SPIN1: variants seen among roughly 807,000 people sequenced by gnomAD.
The protein encoded by SPIN1 is spindlin 1, also known as spindlin-1.
In SPIN1, 3 loss-of-function variants were observed where a neutral mutation model predicts 26.0. The ratio of observed to expected loss-of-function variants is 0.12; its 90% CI spans 0.05 to 0.30. SPIN1 has a LOEUF of 0.30. SPIN1 is among the 10% of genes least tolerant of loss of function. The pLI, the probability that SPIN1 is intolerant of heterozygous loss-of-function variation, is 1.00. For synonymous variants in SPIN1, 101 were observed against 116.5 expected, an observed-to-expected ratio of 0.87 and a Z score of 0.86; for missense variants, 126 against 333.4, an observed-to-expected ratio of 0.38 and a Z score of 4.84.
At chr9:88,474,973 T>C (rs1828860797) in intron 5 of SPIN1, 105 bp from the exon 6 acceptor site, 1 of 1,169,024 alleles carries the variant, frequency 8.6e-7, no homozygotes, top group Non-Finnish European at 1.2e-6. Context: ...TATTAAAATT[T>C]TTTTTAAGTT....
chr9:88,429,954 A>G (rs922852581), intron 2 of SPIN1, among the ~76,000 whole-genome samples: 2 of 152,132 alleles, frequency 1.3e-5, no homozygotes, highest in African/African-American at 4.8e-5. Context: ...AAATATATAT[A>G]TTTCACAGTA....
chr9:88,421,165 A>G (rs1218666262), intron 1 of SPIN1, among the ~76,000 whole-genome samples: 1 of 152,234 alleles, frequency 6.6e-6, no homozygotes, highest in African/African-American at 2.4e-5. Context: ...AAGCATTTCA[A>G]CATGTTTCCA....
intron 2 of SPIN1, among the ~76,000 whole-genome samples, chr9:88,428,571 T>C (rs1220039232): frequency 6.6e-6 from 1 of 152,210 alleles, no homozygotes; most frequent in Admixed American, 6.5e-5. Flanking sequence ...AATCATCTTG[T>C]GAGGAACCTA....
chr9:88,409,792 C>G (rs973787502), intron 1 of SPIN1, among the ~76,000 whole-genome samples: 12 of 151,226 alleles, frequency 7.9e-5, no homozygotes, highest in Middle Eastern at 3.4e-3. Context: ...GAGCTGAGAT[C>G]GCGCCACTGC....
At chr9:88,475,047 CTTTTTTTTTT>C (rs11320023) in intron 5 of SPIN1, 21 bp from the exon 6 acceptor site, 23 of 841,786 alleles carry the variant, frequency 2.7e-5, no homozygotes, top group East Asian at 3.8e-5. Context: ...CTCTCTCTCT[CTTTTTTTTTT>C]TTTTTTTTTT....
intron 3 of SPIN1, among the ~76,000 whole-genome samples, chr9:88,456,922 A>C (rs1329451161): frequency 6.6e-6 from 1 of 152,200 alleles, no homozygotes; most frequent in Non-Finnish European, 1.5e-5. Context: ...ATTAAAAAGA[A>C]AAACCATTCG....
At chr9:88,457,148 G>A (rs758366580) in intron 3 of SPIN1, among the ~76,000 whole-genome samples, 1 of 151,908 alleles carries the variant, frequency 6.6e-6, no homozygotes, top group African/African-American at 2.4e-5. Flanking sequence ...CTACAAATGG[G>A]TGATAATTTT....
At position 88,475,179 on chromosome 9, in the gene SPIN1, A is replaced by G. The variant is rs1385043784; in HGVS notation, c.691A>G (p.Met231Val). 6.2e-7 allele frequency: 1 copy of G among 1,613,610 alleles called. No individual in the cohort carries two copies. Among genetic ancestry groups the G allele is most frequent in the Non-Finnish European group, 8.5e-7 (1 of 1,179,944 alleles). The change falls in exon 6 of 6, where the codon ATG becomes GTG. Residue 231 changes from methionine (M) to valine (V), a missense_variant. This residue lies in a region of SPIN1 where 29 missense variants were observed against 72.0 expected (regional missense o/e 0.40). Coordinates refer to ENST00000375859, the MANE Select transcript of SPIN1 (RefSeq NM_006717.3). ...AKEDGSKRTGMVIHQVEAKPS... is the reference protein window; with the variant it reads ...AKEDGSKRTGVVIHQVEAKPS... ...AGAAGATGGCTCGAAAAGGACTGGC[A>G]TGGTCATTCATCAAGTAGAAGCCAA...
intron 2 of SPIN1, among the ~76,000 whole-genome samples, chr9:88,429,025 C>T (rs1827813779): frequency 6.6e-6 from 1 of 152,110 alleles, no homozygotes. Flanking sequence ...AGGTGTGTGC[C>T]ATCAAGCCTG....
At chr9:88,439,699 C>T (rs573895298) in intron 2 of SPIN1, among the ~76,000 whole-genome samples, 1 of 152,198 alleles carries the variant, frequency 6.6e-6, no homozygotes, top group Non-Finnish European at 1.5e-5. Flanking sequence ...GTTTTGTTTT[C>T]TTGGAGAGTT....
intron 2 of SPIN1, among the ~76,000 whole-genome samples, chr9:88,433,256 A>AT (rs1416641704): frequency 2.7e-5 from 4 of 150,798 alleles, no homozygotes; most frequent in South Asian, 2.1e-4. Context: ...TAATTTTTGT[A>AT]TTTTTTTGTA....
chr9:88,406,917 A>C (rs1380970162), intron 1 of SPIN1, among the ~76,000 whole-genome samples: 2 of 151,980 alleles, frequency 1.3e-5, no homozygotes, highest in Non-Finnish European at 2.9e-5. Context: ...CATTGTTTTA[A>C]TTCTGTCTGT....
intron 1 of SPIN1, among the ~76,000 whole-genome samples, chr9:88,419,261 T>A (rs1827628848): frequency 1.3e-5 from 2 of 152,188 alleles, no homozygotes; most frequent in South Asian, 4.1e-4. Flanking sequence ...TGACTCATTC[T>A]GATTTCCTGT....
chr9:88,444,607 A>G (rs1376469765), intron 2 of SPIN1, among the ~76,000 whole-genome samples: 1 of 150,874 alleles, frequency 6.6e-6, no homozygotes, highest in Non-Finnish European at 1.5e-5. Flanking sequence ...ATCATTTTAG[A>G]TCTCAGATCA....
chr9:88,398,367 G>C (rs929766502), intron 1 of SPIN1, among the ~76,000 whole-genome samples: 2 of 152,036 alleles, frequency 1.3e-5, no homozygotes, highest in Non-Finnish European at 2.9e-5. Context: ...TCCCACAAAG[G>C]CTGAGTTTCA....
chr9:88,407,073 G>A (rs1459273223), intron 1 of SPIN1, among the ~76,000 whole-genome samples: 4 of 143,048 alleles, frequency 2.8e-5, no homozygotes, highest in African/African-American at 1.0e-4. Flanking sequence ...CCCACCTTTT[G>A]TGTAACTTCT....
intron 1 of SPIN1, among the ~76,000 whole-genome samples, chr9:88,410,188 T>TGTGTGTGCGC (rs4029765): frequency 4.8e-4 from 69 of 142,962 alleles, no homozygotes; most frequent in African/African-American, 1.9e-3. Context: ...TGTGTGTGTG[T>TGTGTGTGCGC]GCAACTTTTT....
chr9:88,422,941 C>T (rs958289746), intron 1 of SPIN1, among the ~76,000 whole-genome samples: 2 of 152,022 alleles, frequency 1.3e-5, no homozygotes, highest in East Asian at 1.9e-4. Flanking sequence ...AACTCCTGAC[C>T]TCAGGTGATC....
chr9:88,433,683 G>A (rs1587795584), intron 2 of SPIN1, among the ~76,000 whole-genome samples: 1 of 152,096 alleles, frequency 6.6e-6, no homozygotes, highest in East Asian at 1.9e-4. Flanking sequence ...TCTCTTTTAA[G>A]TTTACATAGT....
Sources: allele counts gnomAD v4.1 joint callset (sites outside exome capture counted in the v4.1 genomes callset), GRCh38; gene constraint gnomAD v4.1.1; regional missense constraint gnomAD v4.1.1; transcripts MANE v1.5; gene names NCBI Gene and HGNC (gene_info 2026-07-23, HGNC 2026-07-21).